Variants in HS3ST2 observed in about 807,000 individuals in gnomAD.
The protein encoded by HS3ST2 is heparan sulfate-glucosamine 3-sulfotransferase 2.
HS3ST2 carries 17 observed loss-of-function variants against 26.3 expected under a neutral mutation model. The ratio of observed to expected loss-of-function variants is 0.65; its 90% CI spans 0.44 to 0.97. HS3ST2 has a LOEUF of 0.97. Among genes scored for constraint, HS3ST2 ranks in the 50% least tolerant of loss-of-function variants. The probability of loss-of-function intolerance (pLI) is 0.00; values close to 1 mark genes in which losing one functional copy is unlikely to be tolerated. For missense variants in HS3ST2, 402 were observed against 501.2 expected (o/e 0.80, Z 1.89); for synonymous variants, 237 against 219.2 (o/e 1.08, Z -0.72).
chr16:22,842,907 G>C (rs557202529), intron 1 of HS3ST2, among the ~76,000 whole-genome samples: 2 of 152,276 alleles, frequency 1.3e-5, no homozygotes, highest in African/African-American at 4.8e-5. Context: ...GGATTTGTCT[G>C]TCCCATTGTG....
At chr16:22,871,285 G>A (rs754081355) in intron 1 of HS3ST2, among the ~76,000 whole-genome samples, 1 of 151,740 alleles carries the variant, frequency 6.6e-6, no homozygotes, top group Admixed American at 6.6e-5. Context: ...GAACCCGGGA[G>A]GTGGAGATTG....
intron 1 of HS3ST2, among the ~76,000 whole-genome samples, chr16:22,865,391 A>G (rs1410376646): frequency 1.3e-5 from 2 of 151,952 alleles, no homozygotes; most frequent in Non-Finnish European, 2.9e-5. Flanking sequence ...CGTCTCTACT[A>G]AAAATACACA....
At chr16:22,866,388 G>GTGTA (rs1901753018) in intron 1 of HS3ST2, among the ~76,000 whole-genome samples, 1 of 151,300 alleles carries the variant, frequency 6.6e-6, no homozygotes, top group Admixed American at 6.6e-5. Flanking sequence ...GTGTGTGTGT[G>GTGTA]TGTGTGTGTG....
chr16:22,814,966 T>C lies in HS3ST2; in HGVS notation c.356T>C (p.Ile119Thr), dbSNP rs750643697. The change falls in exon 1 of 2, where the codon ATT becomes ACT. Residue 119 changes from isoleucine (I) to threonine (T), a missense_variant. Ile to Thr is a moderately conservative substitution (Grantham distance 89). This residue lies in a region of HS3ST2 where 237 missense variants were observed against 346.6 expected (regional missense o/e 0.68). Coordinates refer to ENST00000261374, the MANE Select transcript of HS3ST2 (RefSeq NM_006043.2). ...ACCAAGCGGTTGCCCCAAGCCCTCATTGTGGGCGTGAAGAAGGGGGGCACC... is the reference window on the plus strand; with the variant it reads ...ACCAAGCGGTTGCCCCAAGCCCTCACTGTGGGCGTGAAGAAGGGGGGCACC... ...LGTKRLPQALIVGVKKGGTRA... is the reference protein window; with the variant it reads ...LGTKRLPQALTVGVKKGGTRA... 3.7e-6 allele frequency: 6 copies of C among 1,612,564 alleles called. No homozygotes were observed. Among genetic ancestry groups the C allele is most frequent in the Non-Finnish European group, 5.1e-6 (6 of 1,179,826 alleles).
chr16:22,826,866 A>G (rs1048595547), intron 1 of HS3ST2, among the ~76,000 whole-genome samples: 1 of 152,194 alleles, frequency 6.6e-6, no homozygotes, highest in African/African-American at 2.4e-5. Flanking sequence ...AGAGGAATGA[A>G]AAAAACAGAC....
chr16:22,820,421 A>G (rs764933258), intron 1 of HS3ST2, among the ~76,000 whole-genome samples: 1 of 152,256 alleles, frequency 6.6e-6, no homozygotes, highest in Non-Finnish European at 1.5e-5. Flanking sequence ...GCTGATAAAG[A>G]CATACCCAAC....
intron 1 of HS3ST2, among the ~76,000 whole-genome samples, chr16:22,865,006 C>T (rs1901730458): frequency 6.9e-6 from 1 of 144,536 alleles, no homozygotes; most frequent in Non-Finnish European, 1.5e-5. Context: ...AGCCATGACC[C>T]TGCCACTGCA....
chr16:22,847,027 G>A (rs940190214), intron 1 of HS3ST2, among the ~76,000 whole-genome samples: 3 of 152,128 alleles, frequency 2.0e-5, no homozygotes, highest in Admixed American at 1.3e-4. Context: ...GGTTTGTTAT[G>A]TAGGTAAACT....
intron 1 of HS3ST2, among the ~76,000 whole-genome samples, chr16:22,899,619 G>C (rs1161690727): frequency 1.3e-5 from 2 of 152,196 alleles, no homozygotes; most frequent in African/African-American, 4.8e-5. Context: ...TGGGTAATCT[G>C]TAAAGGAAAG....
chr16:22,849,155 C>T (rs1372694028), intron 1 of HS3ST2, among the ~76,000 whole-genome samples: 1 of 152,134 alleles, frequency 6.6e-6, no homozygotes, highest in African/African-American at 2.4e-5. Flanking sequence ...CCCTAAATAG[C>T]AGGTTTCATG....
chr16:22,837,660 C>A (rs1038063307), intron 1 of HS3ST2, among the ~76,000 whole-genome samples: 5 of 150,364 alleles, frequency 3.3e-5, no homozygotes, highest in Non-Finnish European at 7.4e-5. Flanking sequence ...TGCACACACA[C>A]GTATCTATGA....
At chr16:22,862,810 G>A (rs971258267) in intron 1 of HS3ST2, among the ~76,000 whole-genome samples, 4 of 152,194 alleles carry the variant, frequency 2.6e-5, no homozygotes, top group Admixed American at 6.5e-5. Flanking sequence ...CATCTCCTAC[G>A]GGGATGAAGG....
chr16:22,870,079 C>T (rs1901813100), intron 1 of HS3ST2, among the ~76,000 whole-genome samples: 1 of 152,058 alleles, frequency 6.6e-6, no homozygotes, highest in African/African-American at 2.4e-5. Flanking sequence ...GAAACTGAGG[C>T]TTAGAGAGAG....
intron 1 of HS3ST2, among the ~76,000 whole-genome samples, chr16:22,862,275 C>CG (rs1567490731): frequency 4.1e-5 from 5 of 123,254 alleles, no homozygotes; most frequent in Admixed American, 8.2e-5. Flanking sequence ...TTCTCCTCAG[C>CG]TTTTTTTTTT....
At chr16:22,869,139 C>T (rs1383257233) in intron 1 of HS3ST2, among the ~76,000 whole-genome samples, 3 of 151,870 alleles carry the variant, frequency 2.0e-5, no homozygotes, top group Non-Finnish European at 4.4e-5. Context: ...TGAAAAGGGG[C>T]GCTCTGTAAA....
chr16:22,829,491 A>C (rs1901138199), intron 1 of HS3ST2, among the ~76,000 whole-genome samples: 1 of 152,124 alleles, frequency 6.6e-6, no homozygotes, highest in Non-Finnish European at 1.5e-5. Flanking sequence ...TTTTTTTAAA[A>C]AGAAAAAGTT....
chr16:22,814,882 C>G lies in HS3ST2; in HGVS notation c.272C>G (p.Ala91Gly). 1.9e-6 allele frequency: 3 copies of G among 1,560,290 alleles called. No homozygotes were observed. In the South Asian group the frequency reaches 3.5e-5, roughly 18 times the overall value. The change falls in exon 1 of 2, where the codon GCC becomes GGC. Residue 91 changes from alanine (A) to glycine (G), a missense_variant. Coordinates refer to ENST00000261374, the MANE Select transcript of HS3ST2 (RefSeq NM_006043.2). ...SEPSAPSAPA[A>G]AVPAPRLSGS... ...CCCAGCGCTCCCAGCGCGCCCGCCG[C>G]CGCCGTGCCCGCCCCTCGCCTCTCC...
intron 1 of HS3ST2, among the ~76,000 whole-genome samples, chr16:22,867,520 G>A (rs182670595): frequency 5.9e-5 from 9 of 152,244 alleles, no homozygotes; most frequent in Non-Finnish European, 1.2e-4. Flanking sequence ...ATATAAACAA[G>A]AAAGAGATAA....
At position 22,914,861 on chromosome 16, in the gene HS3ST2, T is replaced by G. The variant is rs1032758532; in HGVS notation, c.486-83T>G. On this transcript the variant is annotated intron_variant, in intron 1 of 1. Coordinates refer to ENST00000261374, the MANE Select transcript of HS3ST2 (RefSeq NM_006043.2). ...CCAGGAGGAGGATGCAACAGGCCCCTGGGTGGAAGGGCTGATGTAGCTGGG... is the reference window on the plus strand; with the variant it reads ...CCAGGAGGAGGATGCAACAGGCCCCGGGGTGGAAGGGCTGATGTAGCTGGG... The G allele has an allele frequency of 2.8e-6, 4 of 1,432,530 alleles. No homozygotes were observed. The African/African-American group carries it at 5.7e-5, about 21-fold the overall frequency. 88.7% of individuals were successfully genotyped at this position (1,432,530 alleles called of 1,614,324 possible). A position where few individuals can be genotyped will look rare whatever the true frequency, so the allele number is the denominator to read the frequency against.
Sources: allele counts gnomAD v4.1 joint callset (sites outside exome capture counted in the v4.1 genomes callset), GRCh38; gene constraint gnomAD v4.1.1; regional missense constraint gnomAD v4.1.1; transcripts MANE v1.5; gene names NCBI Gene and HGNC (gene_info 2026-07-23, HGNC 2026-07-21).